The following PLAGL1 variants were observed in gnomAD, a reference collection of about 807,000 sequenced individuals.
PLAGL1 encodes PLAG1 like zinc finger 1, also known as zinc finger protein PLAGL1.
Under a neutral mutation model 4.6 loss-of-function variants are expected in PLAGL1, and 1 was observed. That is an observed-to-expected ratio of 0.22 (90% confidence interval 0.08 to 1.03). The LOEUF (loss-of-function observed/expected upper bound fraction) is 1.03, where lower values mean the gene tolerates loss of function less well. Ranked by LOEUF, PLAGL1 falls within the 50% of genes least tolerant of loss-of-function variation. The pLI, the probability that PLAGL1 is intolerant of heterozygous loss-of-function variation, is 0.58. For missense variants in PLAGL1, 464 were observed against 570.4 expected (o/e 0.81, Z 1.90); for synonymous variants, 240 against 237.8 (o/e 1.01, Z -0.08).
Position 143,964,921 on chromosome 6 carries a change from T to C in PLAGL1, c.-430-103A>G, listed in dbSNP as rs1784132656. Reference sequence around the variant, plus strand: ...CCCAAGTGGGGGGGGAACGGAAGTCTACTTGGAAGAGGAAAGAGAGCAGCT... The same window carrying C: ...CCCAAGTGGGGGGGGAACGGAAGTCCACTTGGAAGAGGAAAGAGAGCAGCT... On this transcript the variant is annotated intron_variant, in intron 4 of 7. Coordinates refer to ENST00000674357, the MANE Select transcript of PLAGL1 (RefSeq NM_001317162.2). This position sits in a 1 kb window ranked among gnomAD's most constrained non-coding sequence, Gnocchi z 4.3. The C allele has an allele frequency of 1.3e-5, 2 of 152,192 alleles. No homozygotes were observed. Among genetic ancestry groups the C allele is most frequent in the Non-Finnish European group, 2.9e-5 (2 of 68,066 alleles). 9.4% of individuals were successfully genotyped at this position (152,192 alleles called of 1,614,324 possible).
In PLAGL1 at chr6:144,063,410, G is replaced by T. The variant is rs749528244; in HGVS notation, c.-151+1058C>A. Reference sequence around the variant, plus strand: ...GGGCAGCTTTTACAAAAAGTCTCACGCCAGGGCTTTATCCCCTCACGTGAT... The same window carrying T: ...GGGCAGCTTTTACAAAAAGTCTCACTCCAGGGCTTTATCCCCTCACGTGAT... On this transcript the variant is annotated intron_variant, in intron 1 of 3. Transcript: ENST00000437412. This position sits in a 1 kb window ranked among gnomAD's most constrained non-coding sequence, Gnocchi z 5.7. Among the ~76,000 whole-genome samples, 1 of 152,142 alleles carries T rather than the reference G, an allele frequency of 6.6e-6. No homozygotes were observed.
intron 3 of PLAGL1, chr6:143,967,659 A>G (rs1358895543): frequency 6.6e-6 from 1 of 152,230 alleles, no homozygotes; most frequent in African/African-American, 2.4e-5. Flanking sequence ...AAAGCTACCC[A>G]AATGGTATAA....
intron 1 of PLAGL1, among the ~76,000 whole-genome samples, chr6:144,019,528 A>C (rs1016989695): frequency 6.6e-6 from 1 of 152,174 alleles, no homozygotes; most frequent in African/African-American, 2.4e-5. Context: ...ACATGGGCTC[A>C]ACATTGAATA....
In PLAGL1 at chr6:143,941,247, A is replaced by G. The variant is rs1048488186; in HGVS notation, c.*177T>C. The G allele has an allele frequency of 1.4e-5, 7 of 503,618 alleles. No homozygotes were observed. The highest frequency in any genetic ancestry group is 2.0e-5 in the Non-Finnish European group (6 of 292,730). The allele number at this position is 503,618 out of a possible 1,614,324, so 31.2% of individuals were successfully genotyped here. A position where few individuals can be genotyped will look rare whatever the true frequency, so the allele number is the denominator to read the frequency against. On this transcript the variant is annotated 3_prime_UTR_variant, in exon 8 of 8. Coordinates refer to ENST00000674357, the MANE Select transcript of PLAGL1 (RefSeq NM_001317162.2). This position sits in a 1 kb window ranked among gnomAD's most constrained non-coding sequence, Gnocchi z 6.0. ...AATTTGGTACAAAGCATGAACACTC[A>G]GGACAGATTGGCACAATACATGCAG...
intron 1 of PLAGL1, among the ~76,000 whole-genome samples, chr6:144,040,424 G>A (rs1304798670): frequency 6.6e-6 from 1 of 152,092 alleles, no homozygotes; most frequent in East Asian, 1.9e-4. Flanking sequence ...AGCTACTCAG[G>A]AGGCTGAGGC....
intron 1 of PLAGL1, among the ~76,000 whole-genome samples, chr6:144,025,006 G>A (rs1224292165): frequency 6.6e-6 from 1 of 152,120 alleles, no homozygotes; most frequent in Non-Finnish European, 1.5e-5. Flanking sequence ...CTTAAGCATA[G>A]GCTGCATGTA....
chr6:144,025,754 G>A (rs977099888), intron 1 of PLAGL1, among the ~76,000 whole-genome samples: 1 of 151,988 alleles, frequency 6.6e-6, no homozygotes, highest in African/African-American at 2.4e-5. Context: ...TTAGCTGGGT[G>A]TGGTGGCACG....
rs887126053 is a variant in PLAGL1 at position 144,050,956 on chromosome 6, T to C, written c.-151+13512A>G. ...GTATCTGTTACTCTTTTATTACCAA[T>C]AATATCTTCAGGCAAAATCTGCTGA... On this transcript the variant is annotated intron_variant, in intron 1 of 3. Transcript: ENST00000437412. The surrounding 1 kb of genome is among the most constrained non-coding windows in gnomAD (Gnocchi z 4.3). Among the ~76,000 whole-genome samples the C allele has an allele frequency of 6.6e-6, 1 of 152,182 alleles. No individual in the cohort carries two copies. Among genetic ancestry groups the C allele is most frequent in the African/African-American group, 2.4e-5 (1 of 41,446 alleles).
At chr6:144,012,963 G>T (rs1340806771), upstream of PLAGL1, among the ~76,000 whole-genome samples, 1 of 152,238 alleles carries the variant, frequency 6.6e-6, no homozygotes, top group Non-Finnish European at 1.5e-5. The surrounding 1 kb of genome is among the most constrained non-coding windows in gnomAD (Gnocchi z 4.8). Flanking sequence ...TTCAAGGGAA[G>T]TATGCTATCT....
chr6:144,060,110 T>G (rs537394216), intron 1 of PLAGL1, among the ~76,000 whole-genome samples: 81 of 152,018 alleles, frequency 5.3e-4, no homozygotes, highest in African/African-American at 1.8e-3. Flanking sequence ...TGCAGTGGTG[T>G]GATCACAGCT....
chr6:143,942,484 G>T lies in PLAGL1; in HGVS notation c.332C>A (p.Ala111Asp). The change falls in exon 8 of 8, where the codon GCC (alanine) becomes GAC (aspartate). Residue 111 changes from alanine (A) to aspartate (D), a missense_variant. Ala to Asp is a moderately radical substitution (Grantham distance 126). Coordinates refer to ENST00000674357, the MANE Select transcript of PLAGL1 (RefSeq NM_001317162.2). This position sits in a 1 kb window ranked among gnomAD's most constrained non-coding sequence, Gnocchi z 7.6. The part of the protein sequence containing the change: ...NTMLGYKRHL[A>D]LHAASSGDLT... ...GTCCCCACTGCTGGCCGCATGGAGG[G>T]CCAGGTGCCTCTTATAGCCCAGCAT... 6.2e-7 allele frequency: 1 copy of T among 1,614,150 alleles called. No homozygotes were observed.
At chr6:144,002,773 A>G (rs941462244) in intron 1 of PLAGL1, among the ~76,000 whole-genome samples, 5 of 152,150 alleles carry the variant, frequency 3.3e-5, no homozygotes, top group African/African-American at 1.2e-4. Context: ...GTTGAAAGTA[A>G]CTGTAGAAGA....
rs1792030180 is a variant in PLAGL1 at position 143,997,933 on chromosome 6, G to A, written c.-584+10157C>T. On this transcript the variant is annotated intron_variant, in intron 1 of 7. Coordinates refer to ENST00000674357, the MANE Select transcript of PLAGL1 (RefSeq NM_001317162.2). The surrounding 1 kb of genome is among the most constrained non-coding windows in gnomAD (Gnocchi z 4.6). ...GATTTCATATGTTTTTCTTCCCCAT[G>A]TATTTTAGGCCTCAACAGAAGCAGA... is the stretch of plus-strand genomic sequence containing the variant. Among the ~76,000 whole-genome samples, 1 of 152,102 alleles carries A rather than the reference G, an allele frequency of 6.6e-6. No homozygotes were observed. Among genetic ancestry groups the A allele is most frequent in the Admixed American group, 6.5e-5 (1 of 15,274 alleles).
At chr6:143,967,847 T>C (rs1006055857) in intron 3 of PLAGL1, 2 of 152,108 alleles carry the variant, frequency 1.3e-5, no homozygotes, top group Non-Finnish European at 2.9e-5. Flanking sequence ...TTCCTAGAAG[T>C]CAGTCTCAAG....
chr6:143,971,432 TACTC>T lies in PLAGL1; in HGVS notation c.-543-2458_-543-2455del, dbSNP rs1262289661. 1.3e-5 allele frequency among the ~76,000 whole-genome samples: 2 copies of T among 152,350 alleles called. No individual in the cohort carries two copies. Among genetic ancestry groups the T allele is most frequent in the Non-Finnish European group, 2.9e-5 (2 of 68,026 alleles). ...CCGTTCCTGTACTTGTCTGCTTACT[TACTC>T]CCTCCTACAACACTTTCTAAAAATT... On this transcript the variant is annotated intron_variant, in intron 2 of 7. Transcript: ENST00000674357. The surrounding 1 kb of genome is among the most constrained non-coding windows in gnomAD (Gnocchi z 4.7).
rs937099558 is a variant in PLAGL1 at position 144,048,720 on chromosome 6, T to A, written c.-151+15748A>T. On this transcript the variant is annotated intron_variant, in intron 1 of 3. Transcript: ENST00000437412. This position sits in a 1 kb window ranked among gnomAD's most constrained non-coding sequence, Gnocchi z 4.8. Reference sequence around the variant, plus strand: ...TCCCACTAGGCCTCCAGGTCTGTTATGGGAGGGGCTGCCAAGAAGGTCTCT... The same window carrying A: ...TCCCACTAGGCCTCCAGGTCTGTTAAGGGAGGGGCTGCCAAGAAGGTCTCT... 1.3e-5 allele frequency among the ~76,000 whole-genome samples: 2 copies of A among 152,190 alleles called. No homozygotes were observed. Among genetic ancestry groups the A allele is most frequent in the Non-Finnish European group, 2.9e-5 (2 of 68,024 alleles).
At chr6:143,951,704 T>C (rs2128529980) in intron 6 of PLAGL1, among the ~76,000 whole-genome samples, 1 of 152,242 alleles carries the variant, frequency 6.6e-6, no homozygotes, top group East Asian at 1.9e-4. Context: ...GACATGGCCA[T>C]GGTTTAAAGG....
In PLAGL1 at chr6:143,957,868, A is replaced by G. The variant is rs1403967146; in HGVS notation, c.-325+2601T>C. ...CTACATGGGAGCAGGGTATCTTGAC[A>G]CTGGATTTATAGATGACCTCATTGT... is the stretch of plus-strand genomic sequence containing the variant. On this transcript the variant is annotated intron_variant, in intron 6 of 7. Coordinates refer to ENST00000674357, the MANE Select transcript of PLAGL1 (RefSeq NM_001317162.2). This position sits in a 1 kb window ranked among gnomAD's most constrained non-coding sequence, Gnocchi z 4.2. Among the ~76,000 whole-genome samples the G allele has an allele frequency of 6.6e-6, 1 of 152,220 alleles. No individual in the cohort carries two copies. The highest frequency in any genetic ancestry group is 2.4e-5 in the African/African-American group (1 of 41,446).
chr6:143,941,864 G>A lies in PLAGL1; in HGVS notation c.952C>T (p.Leu318Phe), dbSNP rs1355366593. The change falls in exon 8 of 8, where the codon CTC becomes TTC. Residue 318 changes from leucine (L) to phenylalanine (F), a missense_variant. By Grantham distance (22) the Leu-to-Phe change is conservative (BLOSUM62 0). Transcript: ENST00000674357. This position sits in a 1 kb window ranked among gnomAD's most constrained non-coding sequence, Gnocchi z 6.0. ...TSYSPLASLP[L>F]KADTKGFCNI... ...CAAAAACCTTTAGTATCTGCTTTGA[G>A]GGGCAGGCTTGCAAGTGGGGAGTAT... 3.1e-6 allele frequency: 5 copies of A among 1,614,068 alleles called. No individual in the cohort carries two copies. Among genetic ancestry groups the A allele is most frequent in the Non-Finnish European group, 4.2e-6 (5 of 1,180,038 alleles).
Sources: gnomAD v4.1 joint callset for allele counts (sites outside exome capture counted in the v4.1 genomes callset) on GRCh38, gnomAD v4.1.1 for gene constraint, Gnocchi (gnomAD v3.1) non-coding constraint, MANE v1.5 for transcripts, NCBI Gene and HGNC (gene_info 2026-07-23, HGNC 2026-07-21) for gene names.